EXTL3: variants seen among roughly 807,000 people sequenced by gnomAD.
EXTL3 encodes exostosin-like 3.
In EXTL3, 27 loss-of-function variants were observed where a neutral mutation model predicts 69.3. The ratio of observed to expected loss-of-function variants is 0.39; its 90% CI spans 0.29 to 0.54. The LOEUF is 0.54. EXTL3 is among the 20% of genes least tolerant of loss of function. EXTL3 has a pLI of 0.69. For missense variants in EXTL3, 1,003 were observed against 1,231.8 expected, an observed-to-expected ratio of 0.81 and a Z score of 2.78; for synonymous variants, 511 against 499.4, an observed-to-expected ratio of 1.02 and a Z score of -0.31.
Position 28,751,014 on chromosome 8 carries a change from C to T in EXTL3, c.*148C>T, listed in dbSNP as rs767151527. ...GGCAGCAGGAGGAGTGGAAGGAAACCGCTGCCTTTATCTTGAAGTCAGCCA... is the reference window on the plus strand; with the variant it reads ...GGCAGCAGGAGGAGTGGAAGGAAACTGCTGCCTTTATCTTGAAGTCAGCCA... On this transcript the variant is annotated 3_prime_UTR_variant, in exon 7 of 7. Coordinates refer to ENST00000220562, the MANE Select transcript of EXTL3 (RefSeq NM_001440.4). 7.2e-5 allele frequency: 50 copies of T among 691,956 alleles called. No homozygotes were observed. The highest frequency in any genetic ancestry group is 3.3e-4 in the East Asian group (12 of 36,776). The allele number at this position is 691,956 out of a possible 1,614,324, so 42.9% of individuals were successfully genotyped here.
At chr8:28,610,772 T>A (rs1220993488) in intron 2 of EXTL3, among the ~76,000 whole-genome samples, 1 of 150,576 alleles carries the variant, frequency 6.6e-6, no homozygotes, top group Middle Eastern at 3.2e-3. Context: ...AGATGGAGTC[T>A]CTGTCTTTTA....
chr8:28,621,420 C>T (rs2091364217), upstream of EXTL3, among the ~76,000 whole-genome samples: 1 of 152,206 alleles, frequency 6.6e-6, no homozygotes, highest in African/African-American at 2.4e-5. Flanking sequence ...CAACACTGCC[C>T]ACACCTTGAA....
chr8:28,650,930 G>C (rs1806909798), intron 1 of EXTL3, among the ~76,000 whole-genome samples: 1 of 151,926 alleles, frequency 6.6e-6, no homozygotes, highest in Non-Finnish European at 1.5e-5. Context: ...ATGTATTTTA[G>C]AATCAGCTTA....
chr8:28,721,518 C>G (rs565521471), intron 3 of EXTL3, among the ~76,000 whole-genome samples: 14 of 152,364 alleles, frequency 9.2e-5, no homozygotes, highest in Non-Finnish European at 1.8e-4. Context: ...GTAATTCTCC[C>G]TGTGTCAGTA....
chr8:28,663,124 A>G (rs1013582823), intron 1 of EXTL3, among the ~76,000 whole-genome samples: 3 of 152,202 alleles, frequency 2.0e-5, no homozygotes, highest in African/African-American at 4.8e-5. Flanking sequence ...GCTTGAGGGA[A>G]AGGAAAAATG....
At chr8:28,690,463 T>TG (rs776004993) in intron 1 of EXTL3, among the ~76,000 whole-genome samples, 2 of 151,900 alleles carry the variant, frequency 1.3e-5, no homozygotes, top group African/African-American at 2.4e-5. Flanking sequence ...TTTTTCTGGG[T>TG]GGTGGTGGTG....
intron 1 of EXTL3, among the ~76,000 whole-genome samples, chr8:28,708,501 C>T (rs953594810): frequency 7.0e-6 from 1 of 143,512 alleles, no homozygotes; most frequent in Non-Finnish European, 1.5e-5. Flanking sequence ...TGCTTATTAA[C>T]ATACTTCCTG....
In EXTL3 at chr8:28,685,405, C is replaced by T. The variant is rs545728035; in HGVS notation, c.-52-28052C>T. Among the ~76,000 whole-genome samples the T allele has an allele frequency of 9.9e-5, 15 of 152,064 alleles. 1 individual carries two copies. In the South Asian group the frequency reaches 2.9e-3, roughly 29 times the overall value. The stretch of plus-strand genomic sequence containing the variant: ...CTGTCTCCCTTTTCCTTCCTCCCCC[C>T]TCCCCTTCTCCCTCTTCCTCCTTTC... On this transcript the variant is annotated intron_variant, in intron 1 of 6. Transcript: ENST00000523149.
chr8:28,634,754 C>G (rs1335426231), intron 1 of EXTL3, among the ~76,000 whole-genome samples: 1 of 152,078 alleles, frequency 6.6e-6, no homozygotes, highest in East Asian at 1.9e-4. Context: ...ACCACCACAC[C>G]CAGCTAATTT....
chr8:28,717,632 A>G lies in EXTL3; in HGVS notation c.1573A>G (p.Ser525Gly), dbSNP rs576797149. The change falls in exon 3 of 7, where the codon AGT (serine) becomes GGT (glycine). Residue 525 changes from serine to glycine, a missense_variant. Physicochemically the swap from Ser to Gly is moderately conservative, Grantham distance 56. This residue lies in a region of EXTL3 where 742 missense variants were observed against 815.4 expected (regional missense o/e 0.91). Transcript: ENST00000220562. This position sits in a 1 kb window ranked among gnomAD's most constrained non-coding sequence, Gnocchi z 8.3. Reference sequence around the variant, plus strand: ...GGAGACTTACTTCTCCACTGCTGACAGTATTTTTAATACCGTGCTGGCTAT... The same window carrying G: ...GGAGACTTACTTCTCCACTGCTGACGGTATTTTTAATACCGTGCTGGCTAT... The part of the protein sequence containing the change: ...LWETYFSTAD[S>G]IFNTVLAMIR... 2.3e-5 allele frequency: 37 copies of G among 1,614,218 alleles called. No homozygotes were observed. Among genetic ancestry groups the G allele is most frequent in the African/African-American group, 4.0e-5 (3 of 75,068 alleles).
At chr8:28,622,369 G>C (rs944664403), upstream of EXTL3, among the ~76,000 whole-genome samples, 17 of 152,348 alleles carry the variant, frequency 1.1e-4, no homozygotes, top group Admixed American at 3.3e-4. Context: ...CCGGGTGCTG[G>C]TGTTGTTGCA....
At chr8:28,612,118 G>C (rs764761664) in intron 2 of EXTL3, among the ~76,000 whole-genome samples, 1 of 152,104 alleles carries the variant, frequency 6.6e-6, no homozygotes, top group Admixed American at 6.6e-5. Flanking sequence ...ATCTCCTATC[G>C]TAACTTTTTG....
intron 6 of EXTL3, among the ~76,000 whole-genome samples, chr8:28,744,484 C>T (rs916027837): frequency 6.6e-6 from 1 of 151,722 alleles, no homozygotes; most frequent in African/African-American, 2.4e-5. Flanking sequence ...ATGGTGAAAC[C>T]CCGACTCTAC....
intron 3 of EXTL3, among the ~76,000 whole-genome samples, chr8:28,727,424 C>T (rs79843788): frequency 6.6e-6 from 1 of 152,268 alleles, no homozygotes; most frequent in Non-Finnish European, 1.5e-5. Context: ...TGATATTTGA[C>T]CTCCAGCTGC....
At chr8:28,734,140 G>A (rs1018634999) in intron 4 of EXTL3, among the ~76,000 whole-genome samples, 3 of 152,134 alleles carry the variant, frequency 2.0e-5, no homozygotes, top group Admixed American at 6.5e-5. Flanking sequence ...TTATTATCAC[G>A]TTATAAGAGT....
In EXTL3 at chr8:28,729,621, A is replaced by G. The variant is rs913405500; in HGVS notation, c.2149-1602A>G. On this transcript the variant is annotated intron_variant, in intron 3 of 6. Coordinates refer to ENST00000220562, the MANE Select transcript of EXTL3 (RefSeq NM_001440.4). The stretch of plus-strand genomic sequence containing the variant: ...AAAAAAAAAAAAAAAAAAAAAAAAA[A>G]AAGCATTTTCTATGGTGGCTTTGGT... Among the ~76,000 whole-genome samples, 299 of 149,626 alleles carry G rather than the reference A, an allele frequency of 2.0e-3. 2 individuals are homozygous for G. The highest frequency in any genetic ancestry group is 7.2e-3 in the African/African-American group (289 of 40,086).
intron 2 of EXTL3, among the ~76,000 whole-genome samples, chr8:28,608,195 G>T (rs373042301): frequency 6.6e-6 from 1 of 151,964 alleles, no homozygotes; most frequent in East Asian, 1.9e-4. Context: ...CCTTTGCAGC[G>T]ATCTCTTAGG....
At chr8:28,749,306 A>C (rs573404051) in intron 6 of EXTL3, among the ~76,000 whole-genome samples, 2 of 152,278 alleles carry the variant, frequency 1.3e-5, no homozygotes, top group East Asian at 1.9e-4. Context: ...GCAACAAATC[A>C]CTCCAAAAAG....
intron 1 of EXTL3, among the ~76,000 whole-genome samples, chr8:28,631,205 A>G (rs1228276765): frequency 6.6e-6 from 1 of 151,702 alleles, no homozygotes; most frequent in African/African-American, 2.4e-5. Flanking sequence ...CTTGAATATA[A>G]TTTTGAAGCT....
Sources: allele counts gnomAD v4.1 joint callset (sites outside exome capture counted in the v4.1 genomes callset), GRCh38; gene constraint gnomAD v4.1.1; regional missense constraint gnomAD v4.1.1; non-coding constraint Gnocchi (gnomAD v3.1); transcripts MANE v1.5; gene names NCBI Gene and HGNC (gene_info 2026-07-23, HGNC 2026-07-21).